The following SPDEF variants were observed in gnomAD, a reference collection of about 807,000 sequenced individuals.
The protein encoded by SPDEF is SAM pointed domain containing ETS transcription factor.
A neutral mutation model predicts 36.0 loss-of-function variants in SPDEF; 12 were observed. The ratio of observed to expected loss-of-function variants is 0.33; its 90% confidence interval spans 0.21 to 0.54. The LOEUF is 0.54. Ranked by LOEUF, SPDEF falls within the 20% of genes least tolerant of loss-of-function variation. The pLI, the probability that SPDEF is intolerant of heterozygous loss-of-function variation, is 0.93. For synonymous variants in SPDEF, 205 were observed against 193.0 expected, an observed-to-expected ratio of 1.06 and a Z score of -0.51; for missense variants, 388 against 456.9, an observed-to-expected ratio of 0.85 and a Z score of 1.37.
intron 1 of SPDEF, among the ~76,000 whole-genome samples, chr6:34,549,191 G>A (rs532785619): frequency 5.9e-5 from 9 of 152,166 alleles, no homozygotes; most frequent in East Asian, 3.9e-4. Context: ...AAGGCTCAGC[G>A]TGTCCTGGCT....
At chr6:34,550,123 A>G (rs1768028805) in intron 1 of SPDEF, among the ~76,000 whole-genome samples, 1 of 152,218 alleles carries the variant, frequency 6.6e-6, no homozygotes. Context: ...CAGCCGCAGT[A>G]GCATGTCTGG....
At chr6:34,540,803 T>A (rs574902060) in intron 3 of SPDEF, among the ~76,000 whole-genome samples, 181 bp downstream of exon 3, 1 of 151,166 alleles carries the variant, frequency 6.6e-6, no homozygotes, top group African/African-American at 2.4e-5. Context: ...GGGCTGGGAG[T>A]GGGTTGGGGT....
In SPDEF at chr6:34,539,071, C is replaced by T. The variant is rs115076031; in HGVS notation, c.829+179G>A. 0.04 allele frequency among the ~76,000 whole-genome samples: 6,049 copies of T among 152,280 alleles called. 176 individuals carry two copies. Among genetic ancestry groups the T allele is most frequent in the Non-Finnish European group, 0.065 (4,396 of 68,010 alleles). ...GTCTAGCAGGAGACAGATGTGGACA[C>T]AGATTGCACACAGACCCCAGGGCTG... is the stretch of plus-strand genomic sequence containing the variant. On this transcript the variant is annotated intron_variant, in intron 5 of 5. Coordinates refer to ENST00000374037, the MANE Select transcript of SPDEF (RefSeq NM_012391.3). The surrounding 1 kb of genome is among the most constrained non-coding windows in gnomAD (Gnocchi z 5.2).
intron 1 of SPDEF, among the ~76,000 whole-genome samples, chr6:34,550,481 G>A (rs112416938): frequency 8.5e-5 from 13 of 152,304 alleles, no homozygotes; most frequent in African/African-American, 3.1e-4. Flanking sequence ...CTTCCCCAGG[G>A]TCTCCAAGGG....
chr6:34,540,871 G>C (rs1767802712), intron 3 of SPDEF, 113 bp downstream of exon 3: 2 of 951,086 alleles, frequency 2.1e-6, no homozygotes, highest in Non-Finnish European at 3.1e-6. Context: ...TCAGAGTGGA[G>C]TCCAGTTGGG....
In SPDEF at chr6:34,539,180, G is replaced by T; in HGVS notation, c.829+70C>A. On this transcript the variant is annotated intron_variant, in intron 5 of 5. Transcript: ENST00000374037. The surrounding 1 kb of genome is among the most constrained non-coding windows in gnomAD (Gnocchi z 5.2). ...CTGCCCGCCCCTGCCCCCATGCACC[G>T]TGCCTGGCAGAAGCCCCCACAACCT... is the stretch of plus-strand genomic sequence containing the variant. 6.4e-7 allele frequency: 1 copy of T among 1,572,114 alleles called. No individual in the cohort carries two copies. The highest frequency in any genetic ancestry group is 8.7e-7 in the Non-Finnish European group (1 of 1,153,228).
At position 34,539,669 on chromosome 6, in the gene SPDEF, G is replaced by A; in HGVS notation, c.635-107C>T. The A allele has an allele frequency of 7.4e-7, 1 of 1,351,172 alleles. No homozygotes were observed. Among genetic ancestry groups the A allele is most frequent in the East Asian group, 2.5e-5 (1 of 39,902 alleles). The allele number at this position is 1,351,172 out of a possible 1,614,324, so 83.7% of individuals were successfully genotyped here. On this transcript the variant is annotated intron_variant, in intron 3 of 5. Transcript: ENST00000374037. This position sits in a 1 kb window ranked among gnomAD's most constrained non-coding sequence, Gnocchi z 5.2. ...GGCCACAGGAGCCCCTCTGTGGCTG[G>A]GGGTTGCCCCTGTGGCTCCCTGCCT...
Position 34,539,509 on chromosome 6 carries a change from G to C in SPDEF, c.682+6C>G. 6.3e-7 allele frequency: 1 copy of C among 1,578,694 alleles called. No individual in the cohort carries two copies. The highest frequency in any genetic ancestry group is 8.6e-7 in the Non-Finnish European group (1 of 1,163,432). On this transcript the variant is annotated splice_donor_region_variant and intron_variant, in intron 4 of 5. Coordinates refer to ENST00000374037, the MANE Select transcript of SPDEF (RefSeq NM_012391.3). The surrounding 1 kb of genome is among the most constrained non-coding windows in gnomAD (Gnocchi z 5.2). ...CCCGCCTCCACCCTGCCGCTGCCTG[G>C]CTCACCACAGTAGTGAATCGCCCCA... is the stretch of plus-strand genomic sequence containing the variant.
At chr6:34,547,393 T>C in intron 1 of SPDEF, among the ~76,000 whole-genome samples, 1 of 152,094 alleles carries the variant, frequency 6.6e-6, no homozygotes, top group East Asian at 1.9e-4. Flanking sequence ...TCTCTTTTTT[T>C]GAGATAAGGT....
chr6:34,543,857 A>G (rs188161382), intron 2 of SPDEF, among the ~76,000 whole-genome samples, 163 bp downstream of exon 2: 1 of 152,334 alleles, frequency 6.6e-6, no homozygotes, highest in Non-Finnish European at 1.5e-5. Flanking sequence ...TTCCTGGCCC[A>G]GGCTCACAGC....
At chr6:34,543,730 G>A (rs976293483) in intron 2 of SPDEF, among the ~76,000 whole-genome samples, 16 of 152,194 alleles carry the variant, frequency 1.1e-4, no homozygotes, top group Non-Finnish European at 2.4e-4. Context: ...AGTGAATGAG[G>A]GGAGAGCGAA....
chr6:34,547,430 A>G (rs758360255), intron 1 of SPDEF, among the ~76,000 whole-genome samples: 1 of 152,118 alleles, frequency 6.6e-6, no homozygotes, highest in Non-Finnish European at 1.5e-5. Context: ...CAGGGGCATG[A>G]TCATGGCTCA....
Position 34,552,513 on chromosome 6 carries a change from G to A in SPDEF, c.-30+3416C>T, listed in dbSNP as rs959707120. Among the ~76,000 whole-genome samples, 4 of 152,226 alleles carry A rather than the reference G, an allele frequency of 2.6e-5. No individual in the cohort carries two copies. Among genetic ancestry groups the A allele is most frequent in the Admixed American group, 6.5e-5 (1 of 15,282 alleles). On this transcript the variant is annotated intron_variant, in intron 1 of 5. Coordinates refer to ENST00000374037, the MANE Select transcript of SPDEF (RefSeq NM_012391.3). The surrounding 1 kb of genome is among the most constrained non-coding windows in gnomAD (Gnocchi z 4.6). Reference sequence around the variant, plus strand: ...CCGAGAGGTGTGTGTCCACAGTGGTGACTGCTGTCTCCATCTGCCGTGTTT... The same window carrying A: ...CCGAGAGGTGTGTGTCCACAGTGGTAACTGCTGTCTCCATCTGCCGTGTTT...
chr6:34,544,509 G>A lies in SPDEF; in HGVS notation c.-29-25C>T. 10 of 1,467,846 alleles carry A rather than the reference G, an allele frequency of 6.8e-6. No homozygotes were observed. Among genetic ancestry groups the A allele is most frequent in the Non-Finnish European group, 9.0e-6 (10 of 1,109,784 alleles). The allele number at this position is 1,467,846 out of a possible 1,614,324, so 90.9% of individuals were successfully genotyped here. ...TCTACGGAAATGAAAGAGGACTCAG[G>A]TTTGACTGCTTCTCCATCCCTGTGG... is the stretch of plus-strand genomic sequence containing the variant. On this transcript the variant is annotated intron_variant, in intron 1 of 5. Transcript: ENST00000374037. This position sits in a 1 kb window ranked among gnomAD's most constrained non-coding sequence, Gnocchi z 4.4.
rs1247590663 is a variant in SPDEF at position 34,538,928 on chromosome 6, C to A, written c.829+322G>T. Among the ~76,000 whole-genome samples, 1 of 152,214 alleles carries A rather than the reference C, an allele frequency of 6.6e-6. No homozygotes were observed. Among genetic ancestry groups the A allele is most frequent in the African/African-American group, 2.4e-5 (1 of 41,442 alleles). On this transcript the variant is annotated intron_variant, in intron 5 of 5. Coordinates refer to ENST00000374037, the MANE Select transcript of SPDEF (RefSeq NM_012391.3). The surrounding 1 kb of genome is among the most constrained non-coding windows in gnomAD (Gnocchi z 5.9). ...AAACAACCTCTTTGCTATTCTCAGG[C>A]AGTTCGGCCTGTGCAGCCCTCTCTG...
Position 34,544,220 on chromosome 6 carries a change from C to A in SPDEF, c.236G>T (p.Gly79Val). The A allele has an allele frequency of 6.2e-7, 1 of 1,613,876 alleles. No individual in the cohort carries two copies. The highest frequency in any genetic ancestry group is 8.5e-7 in the Non-Finnish European group (1 of 1,179,958). Residue 79 changes from glycine (G) to valine (V), a missense_variant, in exon 2 of 6, where the codon GGG becomes GTG. By Grantham distance (109) the Gly-to-Val change is moderately radical. Coordinates refer to ENST00000374037, the MANE Select transcript of SPDEF (RefSeq NM_012391.3). The surrounding 1 kb of genome is among the most constrained non-coding windows in gnomAD (Gnocchi z 4.4). ...AGGTGGCTCCTCCCGACTGCTGGCC[C>A]CAGGGGCCTTGGCTGCCCAGCTGCT... is the stretch of plus-strand genomic sequence containing the variant. ...EDSSWAAKAP[G>V]ASSREEPPEE...
At chr6:34,542,146 GCAGGAGCAGCTTCA>G (rs1038195437) in intron 2 of SPDEF, among the ~76,000 whole-genome samples, 1 of 152,214 alleles carries the variant, frequency 6.6e-6, no homozygotes, top group Non-Finnish European at 1.5e-5. Flanking sequence ...TGGGGCATCG[GCAGGAGCAGCTTCA>G]AATGAGGACG....
chr6:34,538,586 C>A lies in SPDEF; in HGVS notation c.830-134G>T, dbSNP rs571837982. The A allele has an allele frequency of 6.8e-6, 6 of 886,640 alleles. No homozygotes were observed. Among genetic ancestry groups the A allele is most frequent in the African/African-American group, 6.7e-5 (4 of 59,640 alleles). 54.9% of individuals were successfully genotyped at this position (886,640 alleles called of 1,614,324 possible). The stretch of plus-strand genomic sequence containing the variant: ...GAGGCCTCCCCCTGCTCGGGTGGGG[C>A]GGGGTGTGGGGGCCCAAATGCCTAC... On this transcript the variant is annotated intron_variant, in intron 5 of 5. Transcript: ENST00000374037. This position sits in a 1 kb window ranked among gnomAD's most constrained non-coding sequence, Gnocchi z 5.9.
In SPDEF at chr6:34,555,128, A is replaced by G. The variant is rs1768139788; in HGVS notation, c.-30+801T>C. On this transcript the variant is annotated intron_variant, in intron 1 of 5. Coordinates refer to ENST00000374037, the MANE Select transcript of SPDEF (RefSeq NM_012391.3). The surrounding 1 kb of genome is among the most constrained non-coding windows in gnomAD (Gnocchi z 5.2). ...CACACACACACATACTTCCGCGCAC[A>G]CACACGCACGCACACACCTCCACCA... 7.0e-6 allele frequency among the ~76,000 whole-genome samples: 1 copy of G among 142,718 alleles called. No individual in the cohort carries two copies. The highest frequency in any genetic ancestry group is 1.6e-5 in the Non-Finnish European group (1 of 62,242). 93.6% of individuals were successfully genotyped at this position (142,718 alleles called of 152,430 possible).
Sources: gnomAD v4.1 joint callset for allele counts (sites outside exome capture counted in the v4.1 genomes callset) on GRCh38, gnomAD v4.1.1 for gene constraint, Gnocchi (gnomAD v3.1) non-coding constraint, MANE v1.5 for transcripts, NCBI Gene and HGNC (gene_info 2026-07-23, HGNC 2026-07-21) for gene names.